TRABD2B: variants seen among roughly 807,000 people sequenced by gnomAD.
The protein encoded by TRABD2B is TraB domain containing 2B.
In TRABD2B, 14 loss-of-function variants were observed where a neutral mutation model predicts 40.1. The ratio of observed to expected loss-of-function variants is 0.35; its 90% confidence interval spans 0.23 to 0.55. The LOEUF (loss-of-function observed/expected upper bound fraction) is 0.55, where lower values mean the gene tolerates loss of function less well. TRABD2B is among the 20% of genes least tolerant of loss of function. TRABD2B has a pLI of 0.90. For synonymous variants in TRABD2B, 263 were observed against 277.0 expected (o/e 0.95, Z 0.50); for missense variants, 541 against 648.6 (o/e 0.83, Z 1.80).
intron 2 of TRABD2B, among the ~76,000 whole-genome samples, chr1:47,956,236 T>C (rs980763137): frequency 1.3e-5 from 2 of 152,154 alleles, no homozygotes; most frequent in South Asian, 2.1e-4. Flanking sequence ...ACCCAACTCA[T>C]GGAGGTTCCA....
chr1:47,875,531 A>G (rs182458627), intron 2 of TRABD2B, among the ~76,000 whole-genome samples: 267 of 152,040 alleles, frequency 1.8e-3, no homozygotes, highest in Non-Finnish European at 1.9e-3. Context: ...TACAAAACAT[A>G]TAAAAATCAG....
rs1310220849 is a variant in TRABD2B, at chr1:47,994,805, C to T, written c.103-208G>A. 6.6e-6 allele frequency among the ~76,000 whole-genome samples: 1 copy of T among 152,194 alleles called. No individual in the cohort carries two copies. Among genetic ancestry groups the T allele is most frequent in the Non-Finnish European group, 1.5e-5 (1 of 68,036 alleles). ...CTTAGATGTATGATCTTGAGTGAAT[C>T]ATTTCACTTCCACAGGCTCAGTTTC... On this transcript the variant is annotated intron_variant, in intron 1 of 6. Coordinates refer to ENST00000606738, the MANE Select transcript of TRABD2B (RefSeq NM_001194986.2). The surrounding 1 kb of genome is among the most constrained non-coding windows in gnomAD (Gnocchi z 6.7).
intron 2 of TRABD2B, among the ~76,000 whole-genome samples, chr1:47,886,329 C>A (rs1644370198): frequency 1.3e-5 from 2 of 152,196 alleles, no homozygotes; most frequent in Non-Finnish European, 2.9e-5. Context: ...TGAACTTTAC[C>A]CGCTGAAGTG....
chr1:47,891,445 A>G (rs1212642756), intron 2 of TRABD2B, among the ~76,000 whole-genome samples: 3 of 152,134 alleles, frequency 2.0e-5, no homozygotes, highest in Non-Finnish European at 4.4e-5. Flanking sequence ...AGTATATATG[A>G]GCCACGGGAC....
At chr1:47,800,335 C>A (rs867545897) in intron 3 of TRABD2B, among the ~76,000 whole-genome samples, 2 of 152,084 alleles carry the variant, frequency 1.3e-5, no homozygotes, top group Admixed American at 6.5e-5. Context: ...ACTGAGATGA[C>A]GAGATTTTAG....
chr1:47,911,009 C>T (rs1421982345), intron 2 of TRABD2B, among the ~76,000 whole-genome samples: 2 of 152,176 alleles, frequency 1.3e-5, no homozygotes, highest in African/African-American at 2.4e-5. Context: ...CACCTTTGAT[C>T]GGAGGCAATT....
chr1:47,849,499 C>T (rs1477174081), intron 2 of TRABD2B, among the ~76,000 whole-genome samples: 1 of 152,208 alleles, frequency 6.6e-6, no homozygotes, highest in Non-Finnish European at 1.5e-5. Flanking sequence ...CAGATGAATA[C>T]AGTGGCTCAC....
chr1:47,903,319 C>T (rs1317432597), intron 2 of TRABD2B, among the ~76,000 whole-genome samples: 1 of 152,140 alleles, frequency 6.6e-6, no homozygotes, highest in African/African-American at 2.4e-5. Flanking sequence ...CTAGGGGCTT[C>T]CAACCATCCC....
At chr1:47,831,898 A>C (rs1242127087) in intron 2 of TRABD2B, among the ~76,000 whole-genome samples, 1 of 152,160 alleles carries the variant, frequency 6.6e-6, no homozygotes, top group Non-Finnish European at 1.5e-5. Context: ...CAATGAGATG[A>C]GTATTTACTG....
chr1:47,812,421 G>A (rs1003852593), intron 2 of TRABD2B, among the ~76,000 whole-genome samples: 6 of 152,180 alleles, frequency 3.9e-5, no homozygotes, highest in Non-Finnish European at 4.4e-5. Flanking sequence ...GATGAGTAGC[G>A]TTGAGAAGGA....
chr1:47,828,988 T>C (rs1645213795), intron 2 of TRABD2B, among the ~76,000 whole-genome samples: 1 of 152,108 alleles, frequency 6.6e-6, no homozygotes, highest in Non-Finnish European at 1.5e-5. Context: ...GCAGGAACCA[T>C]GGCTGGAGGA....
chr1:47,871,829 T>C (rs947863991), intron 2 of TRABD2B, among the ~76,000 whole-genome samples: 10 of 152,190 alleles, frequency 6.6e-5, no homozygotes, highest in Non-Finnish European at 1.2e-4. Context: ...ACTAGCTCTC[T>C]ACACCAGCAA....
chr1:47,802,024 G>A (rs1281249943), intron 2 of TRABD2B, among the ~76,000 whole-genome samples: 1 of 152,176 alleles, frequency 6.6e-6, no homozygotes, highest in Non-Finnish European at 1.5e-5. Flanking sequence ...AAAGCAACAG[G>A]ACAAGAACAA....
chr1:47,934,298 C>T (rs1196313795), intron 2 of TRABD2B, among the ~76,000 whole-genome samples: 1 of 152,214 alleles, frequency 6.6e-6, no homozygotes, highest in Non-Finnish European at 1.5e-5. Flanking sequence ...AGGGCCTGGC[C>T]CTGGAGGTGC....
rs1646088764 is a variant in TRABD2B at position 47,996,201 on chromosome 1, G to A, written c.102+487C>T. On this transcript the variant is annotated intron_variant, in intron 1 of 6. Transcript: ENST00000606738. The surrounding 1 kb of genome is among the most constrained non-coding windows in gnomAD (Gnocchi z 4.6). Reference sequence around the variant, plus strand: ...TGGAGGTGAGAACGAGGAACAGGGAGAAAGTTTGTCTTAGGTCAGAGTGGG... The same window carrying A: ...TGGAGGTGAGAACGAGGAACAGGGAAAAAGTTTGTCTTAGGTCAGAGTGGG... Among the ~76,000 whole-genome samples, 1 of 152,088 alleles carries A rather than the reference G, an allele frequency of 6.6e-6. No homozygotes were observed. Among genetic ancestry groups the A allele is most frequent in the Non-Finnish European group, 1.5e-5 (1 of 68,018 alleles).
intron 2 of TRABD2B, among the ~76,000 whole-genome samples, chr1:47,932,291 A>T (rs950827273): frequency 3.5e-4 from 53 of 152,180 alleles, no homozygotes; most frequent in African/African-American, 1.3e-3. Flanking sequence ...TCCCTGGAGT[A>T]TAGCTACAGA....
intron 2 of TRABD2B, among the ~76,000 whole-genome samples, chr1:47,865,730 T>A (rs1326990263): frequency 2.0e-5 from 3 of 152,172 alleles, no homozygotes; most frequent in Non-Finnish European, 4.4e-5. Flanking sequence ...TGGCCTTGCA[T>A]CCTAGGCGCT....
At chr1:47,949,462 C>T (rs977111913) in intron 2 of TRABD2B, among the ~76,000 whole-genome samples, 6 of 130,940 alleles carry the variant, frequency 4.6e-5, no homozygotes, top group Non-Finnish European at 9.3e-5. Flanking sequence ...GACTGGAGTG[C>T]AGTGGTGCGA....
intron 2 of TRABD2B, among the ~76,000 whole-genome samples, chr1:47,883,556 T>A (rs1644333084): frequency 1.3e-5 from 2 of 152,152 alleles, no homozygotes. Context: ...TGGGGCAGCT[T>A]CTCTGAGATC....
Sources: gnomAD v4.1 joint callset for allele counts (sites outside exome capture counted in the v4.1 genomes callset) on GRCh38, gnomAD v4.1.1 for gene constraint, Gnocchi (gnomAD v3.1) non-coding constraint, MANE v1.5 for transcripts, NCBI Gene and HGNC (gene_info 2026-07-23, HGNC 2026-07-21) for gene names.